The following GPC3 variants were observed in gnomAD, a reference collection of about 807,000 sequenced individuals.
GPC3 encodes glypican 3.
In GPC3, 3 loss-of-function variants were observed where a neutral mutation model predicts 34.4. That is an observed-to-expected ratio of 0.09 (90% CI 0.04 to 0.23). The LOEUF (loss-of-function observed/expected upper bound fraction) is 0.23. Among genes scored for constraint, GPC3 ranks in the 10% least tolerant of loss-of-function variants. The pLI is 1.00. For synonymous variants in GPC3, 177 were observed against 174.0 expected (o/e 1.02, Z -0.13); for missense variants, 351 against 445.6 (o/e 0.79, Z 1.91).
chrX:133,856,137 A>G (rs2075900084), intron 2 of GPC3, among the ~76,000 whole-genome samples: 2 of 112,335 alleles, frequency 1.8e-5, no homozygotes, highest in Admixed American at 1.9e-4. Flanking sequence ...TATACACAGA[A>G]GAGCGACTGC....
intron 7 of GPC3, among the ~76,000 whole-genome samples, chrX:133,553,098 T>C (rs1287329954): frequency 8.9e-6 from 1 of 111,756 alleles, no homozygotes; most frequent in African/African-American, 3.2e-5. Context: ...ACGAACACTT[T>C]AATTAAGTAG....
intron 2 of GPC3, among the ~76,000 whole-genome samples, chrX:133,827,893 G>A (rs1385401595): frequency 2.2e-5 from 2 of 91,772 alleles, no homozygotes; most frequent in Admixed American, 2.7e-4. Context: ...TGCAGTGACC[G>A]AGATCATGCC....
chrX:133,761,051 C>T (rs2071784786), intron 2 of GPC3, among the ~76,000 whole-genome samples: 1 of 110,565 alleles, frequency 9.0e-6, no homozygotes, highest in Non-Finnish European at 1.9e-5. Context: ...TGTTAAATCA[C>T]TCCCTCTTTT....
At chrX:133,694,027 T>C (rs1359563726) in intron 4 of GPC3, among the ~76,000 whole-genome samples, 1 of 110,822 alleles carries the variant, frequency 9.0e-6, no homozygotes, top group African/African-American at 3.3e-5. Context: ...TATGAGGCCT[T>C]CTAAATGAAG....
intron 2 of GPC3, among the ~76,000 whole-genome samples, chrX:133,950,364 C>T: frequency 8.9e-6 from 1 of 111,925 alleles, no homozygotes; most frequent in East Asian, 2.8e-4. Flanking sequence ...AAATCCAAAT[C>T]GAGGCAGTAA....
intron 7 of GPC3, among the ~76,000 whole-genome samples, chrX:133,577,945 G>T (rs1411438561): frequency 9.0e-6 from 1 of 111,702 alleles, no homozygotes; most frequent in Non-Finnish European, 1.9e-5. Flanking sequence ...CCTTGATTGT[G>T]TTAGCTCTTC....
At chrX:133,556,738 G>A (rs745658121) in intron 7 of GPC3, among the ~76,000 whole-genome samples, 49 of 84,333 alleles carry the variant, frequency 5.8e-4, no homozygotes, top group Non-Finnish European at 9.1e-4. Flanking sequence ...ATGTAGAGGA[G>A]GTTATCAGGG....
intron 2 of GPC3, among the ~76,000 whole-genome samples, chrX:133,945,208 T>C (rs1330701252): frequency 9.0e-6 from 1 of 111,000 alleles, no homozygotes; most frequent in Non-Finnish European, 1.9e-5. Context: ...CAGGGCAACA[T>C]GGCGAAACTC....
intron 6 of GPC3, among the ~76,000 whole-genome samples, chrX:133,622,917 G>T (rs982147969): frequency 8.9e-6 from 1 of 111,833 alleles, no homozygotes; most frequent in African/African-American, 3.2e-5. Context: ...GAGAAAGGTC[G>T]GGTTACCCAC....
chrX:133,692,648 T>C (rs770768646), intron 4 of GPC3, among the ~76,000 whole-genome samples, 154 bp from the exon 5 acceptor site: 4 of 112,783 alleles, frequency 3.5e-5, no homozygotes, highest in South Asian at 3.7e-4. Flanking sequence ...GGCCACAGTT[T>C]AGTTTTTTTT....
intron 7 of GPC3, among the ~76,000 whole-genome samples, chrX:133,541,336 T>C (rs1003343061): frequency 1.8e-5 from 2 of 111,749 alleles, no homozygotes; most frequent in East Asian, 2.8e-4. Flanking sequence ...AGATGTATTA[T>C]GAGAATCACC....
At chrX:133,701,192 T>A (rs1004204018) in intron 3 of GPC3, among the ~76,000 whole-genome samples, 1 of 111,623 alleles carries the variant, frequency 9.0e-6, no homozygotes, top group Admixed American at 9.6e-5. Flanking sequence ...TCTTAGTAGA[T>A]TTGCTACTTT....
At chrX:133,715,813 C>G (rs975025179) in intron 3 of GPC3, among the ~76,000 whole-genome samples, 2 of 110,786 alleles carry the variant, frequency 1.8e-5, no homozygotes, top group Non-Finnish European at 3.8e-5. Flanking sequence ...GGGTTACACT[C>G]AAGCATAAGG....
At chrX:133,973,547 GA>G (rs1449505024) in intron 1 of GPC3, among the ~76,000 whole-genome samples, 1 of 112,419 alleles carries the variant, frequency 8.9e-6, no homozygotes, top group Non-Finnish European at 1.9e-5. Flanking sequence ...AGCTTATGTT[GA>G]AAGAAACACT....
intron 3 of GPC3, among the ~76,000 whole-genome samples, chrX:133,734,553 G>A (rs1159671725): frequency 1.9e-5 from 2 of 105,994 alleles, no homozygotes; most frequent in East Asian, 5.8e-4. Flanking sequence ...AATGAGGAAA[G>A]GAAAAGGAAA....
chrX:133,893,638 GT>G (rs779494945), intron 2 of GPC3, among the ~76,000 whole-genome samples: 7 of 111,150 alleles, frequency 6.3e-5, no homozygotes, highest in Admixed American at 1.9e-4. Context: ...CAGGGAAGAT[GT>G]TTCACTGCAC....
intron 6 of GPC3, among the ~76,000 whole-genome samples, chrX:133,638,442 T>C (rs1156423732): frequency 8.9e-6 from 1 of 111,765 alleles, no homozygotes; most frequent in African/African-American, 3.3e-5. Flanking sequence ...GAGTGACACA[T>C]GAGTTGGAGC....
chrX:133,741,060 T>C (rs2071559794), intron 3 of GPC3, among the ~76,000 whole-genome samples: 1 of 110,336 alleles, frequency 9.1e-6, no homozygotes, highest in African/African-American at 3.3e-5. Flanking sequence ...TAAGAAGTGA[T>C]ACCAGAGAGG....
At chrX:133,679,582 C>A (rs1367588415) in intron 5 of GPC3, among the ~76,000 whole-genome samples, 5 of 111,325 alleles carry the variant, frequency 4.5e-5, no homozygotes, top group Non-Finnish European at 9.4e-5. Context: ...AGAGAGTTTA[C>A]TCTATGGCAG....
Sources: gnomAD v4.1 joint callset for allele counts (sites outside exome capture counted in the v4.1 genomes callset) on GRCh38, gnomAD v4.1.1 for gene constraint, MANE v1.5 for transcripts, NCBI Gene and HGNC (gene_info 2026-07-23, HGNC 2026-07-21) for gene names.